CACNG5: variants seen among roughly 807,000 people sequenced by gnomAD.
CACNG5 encodes the protein calcium voltage-gated channel auxiliary subunit gamma 5.
Under a neutral mutation model 24.8 loss-of-function variants are expected in CACNG5, and 18 were observed. That is an observed-to-expected ratio of 0.73 (90% CI 0.50 to 1.08). The LOEUF is 1.08. Ranked by LOEUF, CACNG5 falls within the 50% of genes least tolerant of loss-of-function variation. CACNG5 has a pLI of 0.00. For synonymous variants in CACNG5, 157 were observed against 149.1 expected (o/e 1.05, Z -0.39); for missense variants, 349 against 367.9 (o/e 0.95, Z 0.42).
chr17:66,839,997 C>G (rs2144495614), intron 1 of CACNG5, among the ~76,000 whole-genome samples: 1 of 152,320 alleles, frequency 6.6e-6, no homozygotes. Context: ...GACTTCGGAG[C>G]CACACAGAAC....
chr17:66,854,440 G>A (rs1021723862), intron 1 of CACNG5, among the ~76,000 whole-genome samples: 1 of 132,754 alleles, frequency 7.5e-6, no homozygotes, highest in African/African-American at 3.0e-5. Flanking sequence ...AAAAAAAATA[G>A]TGAAAAGATT....
chr17:66,836,095 G>T lies in CACNG5; in HGVS notation c.-104+845G>T, dbSNP rs529445551. Among the ~76,000 whole-genome samples, 9 of 152,296 alleles carry T rather than the reference G, an allele frequency of 5.9e-5. No individual in the cohort carries two copies. In the South Asian group the frequency reaches 1.9e-3, roughly 32 times the overall value. ...AGGAAAGAAGCTCATATTCTGACTAGCTTCTCCAGGGCTGCCCCGGGGCTG... is the reference window on the plus strand; with the variant it reads ...AGGAAAGAAGCTCATATTCTGACTATCTTCTCCAGGGCTGCCCCGGGGCTG... On this transcript the variant is annotated intron_variant, in intron 1 of 5. Coordinates refer to ENST00000533854, the MANE Select transcript of CACNG5 (RefSeq NM_145811.3).
At chr17:66,860,496 G>A (rs1156918690) in intron 1 of CACNG5, among the ~76,000 whole-genome samples, 1 of 150,708 alleles carries the variant, frequency 6.6e-6, no homozygotes, top group Non-Finnish European at 1.5e-5. Context: ...TCTATTTAAA[G>A]TGCTGGAAGA....
rs1568074617 is a variant in CACNG5, at chr17:66,885,525, C to CT, written c.*286dup. 4.7e-6 allele frequency: 2 copies of CT among 424,604 alleles called. No homozygotes were observed. Among genetic ancestry groups the CT allele is most frequent in the Non-Finnish European group, 4.1e-6 (1 of 242,606 alleles). 26.3% of individuals were successfully genotyped at this position (424,604 alleles called of 1,614,324 possible). A position where few individuals can be genotyped will look rare whatever the true frequency, so the allele number is the denominator to read the frequency against. The stretch of plus-strand genomic sequence containing the variant: ...AGCAGTGGCTCCAGGAAGCCAGCAG[C>CT]TCCCCCCAAGCCCAGGAGACACCGA... On this transcript the variant is annotated 3_prime_UTR_variant, in exon 6 of 6. Transcript: ENST00000533854.
At position 66,862,846 on chromosome 17, in the gene CACNG5, T is replaced by C. The variant is rs1976882286; in HGVS notation, c.-103-14384T>C. On this transcript the variant is annotated intron_variant, in intron 1 of 5. Coordinates refer to ENST00000533854, the MANE Select transcript of CACNG5 (RefSeq NM_145811.3). ...TATGTACACTCACTCCTACCAAGAG[T>C]ATATGAGAGTGCTGCATCTTACAAC... is the stretch of plus-strand genomic sequence containing the variant. 2.0e-5 allele frequency among the ~76,000 whole-genome samples: 3 copies of C among 150,486 alleles called. 1 individual carries two copies. The South Asian group carries it at 6.4e-4, about 32-fold the overall frequency.
At chr17:66,841,207 A>G (rs902775707) in intron 1 of CACNG5, among the ~76,000 whole-genome samples, 2 of 152,196 alleles carry the variant, frequency 1.3e-5, no homozygotes, top group African/African-American at 2.4e-5. Flanking sequence ...AAATTGGAGC[A>G]TGGAGGGGGC....
intron 1 of CACNG5, among the ~76,000 whole-genome samples, chr17:66,852,982 CCTT>C (rs1405737903): frequency 6.6e-6 from 1 of 151,200 alleles, no homozygotes; most frequent in Admixed American, 6.6e-5. Flanking sequence ...TCTCTCTTCT[CCTT>C]CTCTCTTCTC....
At position 66,877,277 on chromosome 17, in the gene CACNG5, C is replaced by A; in HGVS notation, c.-56C>A. On this transcript the variant is annotated 5_prime_UTR_variant, in exon 2 of 6. Transcript: ENST00000533854. ...TCACCCACTCTCCCTAGCCCCAGAG[C>A]GCAGTCCGTGCTGGTGGGAGCGTGG... 1 of 1,477,492 alleles carries A rather than the reference C, an allele frequency of 6.8e-7. No individual in the cohort carries two copies. Among genetic ancestry groups the A allele is most frequent in the Non-Finnish European group, 9.4e-7 (1 of 1,069,346 alleles). 91.5% of individuals were successfully genotyped at this position (1,477,492 alleles called of 1,614,324 possible). A position where few individuals can be genotyped will look rare whatever the true frequency, so the allele number is the denominator to read the frequency against.
At chr17:66,855,709 C>A (rs1976766332) in intron 1 of CACNG5, among the ~76,000 whole-genome samples, 2 of 152,108 alleles carry the variant, frequency 1.3e-5, no homozygotes, top group African/African-American at 2.4e-5. Flanking sequence ...GTTGGTCAGG[C>A]TGGTCTTGAA....
At chr17:66,857,263 C>T (rs1235847018) in intron 1 of CACNG5, among the ~76,000 whole-genome samples, 1 of 151,802 alleles carries the variant, frequency 6.6e-6, no homozygotes, top group Non-Finnish European at 1.5e-5. Context: ...CCAGGCTGGT[C>T]TTGAACTCCC....
In CACNG5 at chr17:66,888,131, A is replaced by G. The variant is rs553848970; in HGVS notation, c.*2891A>G. ...AATAACTTGGGGTAATCAGCCATTAACAGAGAACAATCTGACATTGGTTCC... is the reference window on the plus strand; with the variant it reads ...AATAACTTGGGGTAATCAGCCATTAGCAGAGAACAATCTGACATTGGTTCC... On this transcript the variant is annotated 3_prime_UTR_variant, in exon 6 of 6. Transcript: ENST00000533854. Among the ~76,000 whole-genome samples, 16 of 152,020 alleles carry G rather than the reference A, an allele frequency of 1.1e-4. No homozygotes were observed. Among genetic ancestry groups the G allele is most frequent in the Non-Finnish European group, 2.1e-4 (14 of 68,000 alleles).
Position 66,885,241 on chromosome 17 carries a change from G to C in CACNG5, c.*1G>C, listed in dbSNP as rs1466468824. ...TCAGATGTCCTCTTCACCCTGCTGA[G>C]CCTCGGCCGCCCCCATCCCTGGACT... On this transcript the variant is annotated 3_prime_UTR_variant, in exon 6 of 6. Coordinates refer to ENST00000533854, the MANE Select transcript of CACNG5 (RefSeq NM_145811.3). 6.4e-7 allele frequency: 1 copy of C among 1,571,600 alleles called. No individual in the cohort carries two copies. The highest frequency in any genetic ancestry group is 8.6e-7 in the Non-Finnish European group (1 of 1,164,510).
At chr17:66,876,940 G>A (rs1370653487) in intron 1 of CACNG5, among the ~76,000 whole-genome samples, 1 of 152,004 alleles carries the variant, frequency 6.6e-6, no homozygotes, top group Non-Finnish European at 1.5e-5. Flanking sequence ...ATAGTGTCAT[G>A]TTCATTTTTG....
chr17:66,885,156 C>T lies in CACNG5; in HGVS notation c.744C>T (p.Ser248=), dbSNP rs773065064. 9.9e-6 allele frequency: 16 copies of T among 1,613,324 alleles called. No homozygotes were observed. Among genetic ancestry groups the T allele is most frequent in the South Asian group, 6.6e-5 (6 of 91,080 alleles). The part of the protein sequence containing the change: ...VRGRSPSDIS[S]EASLQMNSNY... ...GCCGCAGCCCCTCCGACATCTCCAG[C>T]GAGGCCTCCCTGCAGATGAACAGCA... Residue 248 remains serine, a synonymous_variant, in exon 6 of 6, where the codon AGC becomes AGT. Transcript: ENST00000533854.
At position 66,892,828 on chromosome 17, in the gene CACNG5, A is replaced by G. The variant is rs1365595849; in HGVS notation, c.*7588A>G. Among the ~76,000 whole-genome samples the G allele has an allele frequency of 6.6e-6, 1 of 152,226 alleles. No homozygotes were observed. The highest frequency in any genetic ancestry group is 1.5e-5 in the Non-Finnish European group (1 of 68,040). ...AATCCATAGCATTTCTCAGTGTCCT[A>G]AATGATCAATTCTGGAGAGCATCCT... On this transcript the variant is annotated 3_prime_UTR_variant, in exon 6 of 6. Coordinates refer to ENST00000533854, the MANE Select transcript of CACNG5 (RefSeq NM_145811.3).
rs71160595 is a variant in CACNG5, at chr17:66,838,960, CTTT to C, written c.-104+3727_-104+3729del. On this transcript the variant is annotated intron_variant, in intron 1 of 5. Transcript: ENST00000533854. ...GTAGCACCCCAGTCCCTCACCCATT[CTTT>C]TTTTTTTTTTTTTTTTGAGACAGAG... Among the ~76,000 whole-genome samples, 776 of 88,092 alleles carry C rather than the reference CTTT, an allele frequency of 8.8e-3. 20 individuals are homozygous for C. The highest frequency in any genetic ancestry group is 0.027 in the African/African-American group (545 of 20,488). The allele number at this position is 88,092 out of a possible 152,430, so 57.8% of individuals were successfully genotyped here.
chr17:66,880,676 G>C lies in CACNG5; in HGVS notation c.403G>C (p.Gly135Arg). The change falls in exon 4 of 6, where the codon GGC (glycine) becomes CGC (arginine). Residue 135 changes from glycine (G) to arginine (R), a missense_variant. Physicochemically the swap from Gly to Arg is moderately radical, Grantham distance 125. Coordinates refer to ENST00000533854, the MANE Select transcript of CACNG5 (RefSeq NM_145811.3). The stretch of plus-strand genomic sequence containing the variant: ...CCGGACGATACTGGCCTTTGTCTCT[G>C]GCATCTTCTTTATCCTCTCAGGTAA... ...PHRTILAFVSGIFFILSGLSL... is the reference protein window; with the variant it reads ...PHRTILAFVSRIFFILSGLSL... 1 of 1,614,154 alleles carries C rather than the reference G, an allele frequency of 6.2e-7. No individual in the cohort carries two copies. Among genetic ancestry groups the C allele is most frequent in the Non-Finnish European group, 8.5e-7 (1 of 1,180,014 alleles).
At chr17:66,864,008 T>C (rs1377555233) in intron 1 of CACNG5, among the ~76,000 whole-genome samples, 1 of 152,256 alleles carries the variant, frequency 6.6e-6, no homozygotes, top group African/African-American at 2.4e-5. Flanking sequence ...TAACTTTTGA[T>C]TGAATGCTAG....
chr17:66,855,650 C>T (rs1053476500), intron 1 of CACNG5, among the ~76,000 whole-genome samples: 2 of 152,138 alleles, frequency 1.3e-5, no homozygotes, highest in Non-Finnish European at 2.9e-5. Context: ...CAGGCTCGGA[C>T]CACGCCTGGC....
Sources: gnomAD v4.1 joint callset for allele counts (sites outside exome capture counted in the v4.1 genomes callset) on GRCh38, gnomAD v4.1.1 for gene constraint, MANE v1.5 for transcripts, NCBI Gene and HGNC (gene_info 2026-07-23, HGNC 2026-07-21) for gene names.